CUX1: variants seen among roughly 807,000 people sequenced by gnomAD.
CUX1 encodes cut like homeobox 1.
CUX1 carries 31 observed loss-of-function variants against 158.8 expected under a neutral mutation model. The observed-to-expected ratio is 0.20, with a 90% CI of 0.15 to 0.26. CUX1 has a LOEUF of 0.26. Ranked by LOEUF, CUX1 falls within the 10% of genes least tolerant of loss-of-function variation. The pLI is 1.00. For missense variants in CUX1, 1,589 were observed against 2,014.6 expected (o/e 0.79, Z 4.04); for synonymous variants, 879 against 862.1 (o/e 1.02, Z -0.34).
chr7:102,162,525 C>A (rs542918458), intron 9 of CUX1, among the ~76,000 whole-genome samples: 1 of 152,066 alleles, frequency 6.6e-6, no homozygotes, highest in East Asian at 1.9e-4. Context: ...GATTCTCCTG[C>A]CTCAGCCTCC....
chr7:101,854,199 G>C (rs910300999), intron 1 of CUX1, among the ~76,000 whole-genome samples: 48 of 152,346 alleles, frequency 3.2e-4, no homozygotes, highest in African/African-American at 1.1e-3. Context: ...CATGGGGCAA[G>C]GCTGTGTGTG....
chr7:101,895,009 G>T (rs1801314409), intron 1 of CUX1, among the ~76,000 whole-genome samples: 1 of 151,854 alleles, frequency 6.6e-6, no homozygotes, highest in African/African-American at 2.4e-5. Context: ...AAAACGCTGG[G>T]TATTTTATTT....
At chr7:101,989,512 T>G (rs1424677932) in intron 2 of CUX1, among the ~76,000 whole-genome samples, 1 of 152,036 alleles carries the variant, frequency 6.6e-6, no homozygotes, top group Non-Finnish European at 1.5e-5. Flanking sequence ...CAAACCCGAG[T>G]GGAGCGTTCT....
intron 1 of CUX1, among the ~76,000 whole-genome samples, chr7:101,830,843 A>G (rs1183284022): frequency 1.2e-4 from 19 of 152,172 alleles, no homozygotes; most frequent in Admixed American, 1.2e-3. Context: ...AAAATATGCA[A>G]AAATGTGCCC....
Position 102,041,256 on chromosome 7 carries a change from C to CTTTTTTTTT in CUX1, c.189+13130_189+13138dup, listed in dbSNP as rs11427183. Among the ~76,000 whole-genome samples the CTTTTTTTTT allele has an allele frequency of 2.4e-4, 17 of 69,892 alleles. 4 individuals are homozygous for CTTTTTTTTT. Among genetic ancestry groups the CTTTTTTTTT allele is most frequent in the Admixed American group, 4.6e-4 (2 of 4,366 alleles). 45.9% of individuals were successfully genotyped at this position (69,892 alleles called of 152,430 possible). A position where few individuals can be genotyped will look rare whatever the true frequency, so the allele number is the denominator to read the frequency against. ...GGGAGATTGTCACCTCTTATCCATTCTTTTTTTTTTTTTTTTTTTTTTTTT... is the reference window on the plus strand; with the variant it reads ...GGGAGATTGTCACCTCTTATCCATTCTTTTTTTTTTTTTTTTTTTTTTTTTTTTTTTTTT... On this transcript the variant is annotated intron_variant, in intron 3 of 23. Coordinates refer to ENST00000292535, the MANE Select transcript of CUX1 (RefSeq NM_181552.4).
chr7:102,132,322 C>CGT (rs1563288488), intron 8 of CUX1, among the ~76,000 whole-genome samples: 12 of 60 alleles, frequency 0.2, no homozygotes, highest in African/African-American at 0.38. Context: ...CGCGCGCGCG[C>CGT]GCACGCCACG....
intron 2 of CUX1, among the ~76,000 whole-genome samples, chr7:101,968,397 C>T (rs1811487249): frequency 6.6e-6 from 1 of 151,968 alleles, no homozygotes; most frequent in Non-Finnish European, 1.5e-5. Flanking sequence ...AGTCCCAAGC[C>T]ACATGGGGTA....
chr7:102,096,747 A>G (rs1829235427), intron 4 of CUX1, among the ~76,000 whole-genome samples: 1 of 152,202 alleles, frequency 6.6e-6, no homozygotes, highest in African/African-American at 2.4e-5. Flanking sequence ...CTTGGAGTTA[A>G]CAGACTTAGG....
At chr7:101,852,432 A>G (rs1796359510) in intron 1 of CUX1, among the ~76,000 whole-genome samples, 1 of 151,812 alleles carries the variant, frequency 6.6e-6, no homozygotes, top group Non-Finnish European at 1.5e-5. Context: ...AACCTGGGCA[A>G]CATGGCAAAA....
At chr7:102,193,964 C>A in intron 13 of CUX1, 74 bp downstream of exon 13, 1 of 1,412,736 alleles carries the variant, frequency 7.1e-7, no homozygotes, top group South Asian at 1.2e-5. Context: ...TCCGGCATAT[C>A]CCATGATCCA....
intron 6 of CUX1, among the ~76,000 whole-genome samples, chr7:102,104,843 G>A (rs566081978): frequency 6.6e-6 from 1 of 152,332 alleles, no homozygotes; most frequent in African/African-American, 2.4e-5. Context: ...AGTGAGCCGA[G>A]ATCGCGCCAC....
intron 2 of CUX1, among the ~76,000 whole-genome samples, chr7:101,944,045 GA>G (rs1808062839): frequency 6.6e-6 from 1 of 151,770 alleles, no homozygotes; most frequent in African/African-American, 2.4e-5. Context: ...ACTCGGGAAA[GA>G]AAACTTGTTT....
At chr7:102,195,636 G>T (rs782331123) in intron 14 of CUX1, 33 bp downstream of exon 14, 1 of 1,564,948 alleles carries the variant, frequency 6.4e-7, no homozygotes, top group East Asian at 2.3e-5. Flanking sequence ...GTGTGCGGTG[G>T]TTGGTTCGCT....
intron 2 of CUX1, among the ~76,000 whole-genome samples, chr7:101,973,766 T>C (rs1765620942): frequency 6.6e-6 from 1 of 150,766 alleles, no homozygotes; most frequent in South Asian, 2.1e-4. Context: ...TTCTTTTTCT[T>C]TTTCTTTTTT....
intron 8 of CUX1, among the ~76,000 whole-genome samples, chr7:102,140,367 T>TC (rs1371113227): frequency 1.3e-5 from 2 of 152,064 alleles, no homozygotes; most frequent in East Asian, 3.9e-4. Context: ...TGCCTCAGCC[T>TC]CCCAAGTAGC....
chr7:101,860,512 CA>C (rs1249048632), intron 1 of CUX1, among the ~76,000 whole-genome samples: 1 of 152,146 alleles, frequency 6.6e-6, no homozygotes, highest in Non-Finnish European at 1.5e-5. Context: ...TGTGGGGTCC[CA>C]GGGGAGAGGT....
In CUX1 at chr7:101,903,608, G is replaced by A. The variant is rs147383725; in HGVS notation, c.31-12507G>A. Among the ~76,000 whole-genome samples the A allele has an allele frequency of 3.4e-4, 52 of 152,238 alleles. 1 individual carries two copies. The South Asian group carries it at 8.7e-3, about 26-fold the overall frequency. ...TAATCCATAAAGCAGAGCCCTTCTC[G>A]TTAGGGCTGAGAATTATCCTCCCCT... On this transcript the variant is annotated intron_variant, in intron 1 of 23. Transcript: ENST00000292535.
In CUX1 at chr7:102,234,257, C is replaced by T. The variant is rs782328938; in HGVS notation, c.3622+17C>T. The T allele has an allele frequency of 1.9e-5, 29 of 1,504,390 alleles. No homozygotes were observed. The East Asian group carries it at 5.9e-4, about 30-fold the overall frequency. 93.2% of individuals were successfully genotyped at this position (1,504,390 alleles called of 1,614,324 possible). ...AGAAGAAAGGTAAGTCTCCCTGCCC[C>T]GCCCGGGCCGGCTGCGTCCGCATTC... is the stretch of plus-strand genomic sequence containing the variant. On this transcript the variant is annotated intron_variant, in intron 22 of 23. Coordinates refer to ENST00000292535, the MANE Select transcript of CUX1 (RefSeq NM_181552.4).
chr7:102,013,542 C>G (rs1818273399), intron 2 of CUX1, among the ~76,000 whole-genome samples: 1 of 152,156 alleles, frequency 6.6e-6, no homozygotes, highest in African/African-American at 2.4e-5. Flanking sequence ...CAAAAGTATT[C>G]AAAAGGCAGT....
Sources: gnomAD v4.1 joint callset for allele counts (sites outside exome capture counted in the v4.1 genomes callset) on GRCh38, gnomAD v4.1.1 for gene constraint, MANE v1.5 for transcripts, NCBI Gene and HGNC (gene_info 2026-07-23, HGNC 2026-07-21) for gene names.